NELL1: variants seen among roughly 807,000 people sequenced by gnomAD.
NELL1 encodes neural EGFL like 1.
In NELL1, 76 loss-of-function variants were observed where a neutral mutation model predicts 107.4. That is an observed-to-expected ratio of 0.71 (90% CI 0.59 to 0.86). NELL1 has a LOEUF of 0.86. Ranked by LOEUF, NELL1 falls within the 40% of genes least tolerant of loss-of-function variation. The pLI is 0.00. For synonymous variants in NELL1, 353 were observed against 341.2 expected (o/e 1.03, Z -0.38); for missense variants, 1,024 against 1,005.5 (o/e 1.02, Z -0.25).
intron 15 of NELL1, among the ~76,000 whole-genome samples, chr11:21,387,111 T>G (rs1007277723): frequency 6.6e-6 from 1 of 151,866 alleles, no homozygotes; most frequent in Admixed American, 6.6e-5. Context: ...TTGCACCTAG[T>G]GTTCTCTCTT....
chr11:21,161,944 CT>C (rs34422649), intron 13 of NELL1, among the ~76,000 whole-genome samples: 40 of 83,052 alleles, frequency 4.8e-4, no homozygotes, highest in Admixed American at 1.3e-3. Context: ...GGAACATAAT[CT>C]TTTTTTTTTT....
chr11:21,508,032 C>A (rs1221258572), intron 15 of NELL1, among the ~76,000 whole-genome samples: 2 of 152,012 alleles, frequency 1.3e-5, no homozygotes, highest in African/African-American at 4.8e-5. Context: ...CACCTGCCTG[C>A]CTCAGCCTCC....
intron 12 of NELL1, among the ~76,000 whole-genome samples, chr11:20,989,273 C>A (rs1375077232): frequency 6.6e-6 from 1 of 152,172 alleles, no homozygotes; most frequent in African/African-American, 2.4e-5. Flanking sequence ...TCTATCCCAG[C>A]AGTTTGTTTG....
chr11:21,472,155 G>GT (rs148600487), intron 15 of NELL1, among the ~76,000 whole-genome samples: 1 of 2,464 alleles, frequency 4.1e-4, no homozygotes, highest in Non-Finnish European at 7.2e-4. Flanking sequence ...GTTTTGTTTT[G>GT]TTTGTTTGTT....
In NELL1 at chr11:21,573,344, G is replaced by A. The variant is rs1240455218; in HGVS notation, c.2317G>A (p.Val773Ile). 6.8e-6 allele frequency: 11 copies of A among 1,612,462 alleles called. No individual in the cohort carries two copies. Among genetic ancestry groups the A allele is most frequent in the African/African-American group, 5.3e-5 (4 of 74,876 alleles). Residue 773 changes from valine to isoleucine, a missense_variant, in exon 19 of 20, where the codon GTT becomes ATT. Physicochemically the swap from Val to Ile is conservative, Grantham distance 29 (BLOSUM62 3). Transcript: ENST00000357134. ...IRKTCLDSYGVSRLSGSVWTM... is the reference protein window; with the variant it reads ...IRKTCLDSYGISRLSGSVWTM... Reference sequence around the variant, plus strand: ...AAAAACTTGCCTGGACAGCTATGGTGTTTCACGGCTTAGTGGCTCAGTGTG... The same window carrying A: ...AAAAACTTGCCTGGACAGCTATGGTATTTCACGGCTTAGTGGCTCAGTGTG...
chr11:20,802,668 G>T (rs749192427), intron 3 of NELL1, among the ~76,000 whole-genome samples: 34 of 152,084 alleles, frequency 2.2e-4, no homozygotes, highest in Non-Finnish European at 4.3e-4. Flanking sequence ...AAAGCTTTCA[G>T]TTTTTTCCCA....
intron 14 of NELL1, among the ~76,000 whole-genome samples, chr11:21,280,080 A>G (rs771971118): frequency 2.0e-5 from 3 of 152,178 alleles, no homozygotes; most frequent in Non-Finnish European, 4.4e-5. Context: ...AAGGTGCTCA[A>G]ATAGAGGATT....
chr11:21,358,447 T>G (rs1850989548), intron 14 of NELL1, among the ~76,000 whole-genome samples: 1 of 152,032 alleles, frequency 6.6e-6, no homozygotes. Flanking sequence ...TCTCCCAGGC[T>G]GGAGTGCAGT....
At chr11:20,786,962 G>C (rs556790141) in intron 3 of NELL1, among the ~76,000 whole-genome samples, 11 of 140,706 alleles carry the variant, frequency 7.8e-5, no homozygotes, top group East Asian at 6.2e-4. Context: ...GAGCCGAGAT[G>C]GCGCCACTGC....
At chr11:20,967,512 G>A (rs898864223) in intron 12 of NELL1, among the ~76,000 whole-genome samples, 4 of 151,990 alleles carry the variant, frequency 2.6e-5, no homozygotes, top group Non-Finnish European at 5.9e-5. Context: ...TTCGGGTAAG[G>A]GTACATCCAC....
chr11:20,783,855 A>C (rs1856900976), intron 3 of NELL1, 25 bp downstream of exon 3: 1 of 1,595,132 alleles, frequency 6.3e-7, no homozygotes, highest in Admixed American at 1.7e-5. Context: ...TCTGCTTTTG[A>C]AAATCTCCTT....
chr11:21,447,482 C>T (rs575866371), intron 15 of NELL1, among the ~76,000 whole-genome samples: 32 of 152,276 alleles, frequency 2.1e-4, no homozygotes, highest in Non-Finnish European at 3.2e-4. Context: ...GCTCTTAAAT[C>T]AGCAGGTGAT....
chr11:21,339,430 A>G (rs965897533), intron 14 of NELL1, among the ~76,000 whole-genome samples: 9 of 152,212 alleles, frequency 5.9e-5, no homozygotes, highest in African/African-American at 2.2e-4. Context: ...ACTTCAGCCT[A>G]TAGAACTGTG....
At chr11:21,157,400 G>A (rs957681743) in intron 13 of NELL1, among the ~76,000 whole-genome samples, 7 of 152,068 alleles carry the variant, frequency 4.6e-5, no homozygotes, top group African/African-American at 1.7e-4. Flanking sequence ...AACAAGCATT[G>A]TGTATGAAAG....
chr11:20,674,155 G>C (rs946396158), intron 1 of NELL1, among the ~76,000 whole-genome samples: 7 of 152,150 alleles, frequency 4.6e-5, no homozygotes, highest in African/African-American at 1.7e-4. Flanking sequence ...GCAGGGAGTT[G>C]GGGAGCGAAT....
intron 12 of NELL1, among the ~76,000 whole-genome samples, chr11:20,968,031 C>A (rs1851421145): frequency 6.6e-6 from 1 of 152,156 alleles, no homozygotes; most frequent in African/African-American, 2.4e-5. Flanking sequence ...CTTTCCAAAT[C>A]TGCTTTCCAG....
chr11:20,842,080 A>G (rs1421141606), intron 3 of NELL1, among the ~76,000 whole-genome samples: 1 of 152,170 alleles, frequency 6.6e-6, no homozygotes, highest in Non-Finnish European at 1.5e-5. Flanking sequence ...GGAAAGAGAC[A>G]GGAGCTTCAG....
chr11:20,795,763 TTCC>T (rs1348278140), intron 3 of NELL1, among the ~76,000 whole-genome samples: 2 of 152,180 alleles, frequency 1.3e-5, no homozygotes, highest in African/African-American at 4.8e-5. Context: ...CATTTTTGGC[TTCC>T]TAAGAAGGCA....
intron 12 of NELL1, among the ~76,000 whole-genome samples, chr11:20,987,478 CA>C (rs1452403664): frequency 5.3e-5 from 8 of 152,154 alleles, no homozygotes; most frequent in South Asian, 4.1e-4. Flanking sequence ...AACTTACAAT[CA>C]TGATGGAAGG....
Sources: allele counts gnomAD v4.1 joint callset (sites outside exome capture counted in the v4.1 genomes callset), GRCh38; gene constraint gnomAD v4.1.1; transcripts MANE v1.5; gene names NCBI Gene and HGNC (gene_info 2026-07-23, HGNC 2026-07-21).